Variants in PNISR observed in about 807,000 individuals in gnomAD.
The protein encoded by PNISR is PNN interacting serine and arginine rich protein.
In PNISR, 20 loss-of-function variants were observed where a neutral mutation model predicts 93.4. The observed-to-expected ratio is 0.21, with a 90% CI of 0.15 to 0.31. The LOEUF (loss-of-function observed/expected upper bound fraction) is 0.31, where lower values mean the gene tolerates loss of function less well. PNISR is among the 10% of genes least tolerant of loss of function. The pLI, the probability that PNISR is intolerant of heterozygous loss-of-function variation, is 1.00. For synonymous variants in PNISR, 305 were observed against 306.5 expected, an observed-to-expected ratio of 0.99 and a Z score of 0.05; for missense variants, 893 against 985.4, an observed-to-expected ratio of 0.91 and a Z score of 1.25.
chr6:99,417,088 C>A (rs7776325), intron 1 of PNISR, among the ~76,000 whole-genome samples: 1 of 151,960 alleles, frequency 6.6e-6, no homozygotes, highest in Non-Finnish European at 1.5e-5. Context: ...TGCTTTCCAA[C>A]GCTTTAACAG....
intron 1 of PNISR, among the ~76,000 whole-genome samples, chr6:99,423,039 T>TA (rs1275141097): frequency 6.6e-6 from 1 of 151,136 alleles, no homozygotes; most frequent in African/African-American, 2.4e-5. Context: ...CATTCTTCAA[T>TA]AAAAGGAATC....
chr6:99,416,440 A>T lies in PNISR; in HGVS notation c.-111-12T>A. Reference sequence around the variant, plus strand: ...AGATTATGTATGCCCTAGGGGGAAAAAAAGTAGATGTCTGCTTATAGATTA... The same window carrying T: ...AGATTATGTATGCCCTAGGGGGAAATAAAGTAGATGTCTGCTTATAGATTA... On this transcript the variant is annotated splice_polypyrimidine_tract_variant and intron_variant, in intron 1 of 11. Coordinates refer to ENST00000369239, the MANE Select transcript of PNISR (RefSeq NM_032870.4). 1 of 1,019,394 alleles carries T rather than the reference A, an allele frequency of 9.8e-7. No homozygotes were observed. Among genetic ancestry groups the T allele is most frequent in the Non-Finnish European group, 1.3e-6 (1 of 794,486 alleles). The allele number at this position is 1,019,394 out of a possible 1,614,324, so 63.1% of individuals were successfully genotyped here. A position where few individuals can be genotyped will look rare whatever the true frequency, so the allele number is the denominator to read the frequency against.
At chr6:99,423,497 G>A (rs571571540) in intron 1 of PNISR, among the ~76,000 whole-genome samples, 1 of 152,146 alleles carries the variant, frequency 6.6e-6, no homozygotes, top group Non-Finnish European at 1.5e-5. Flanking sequence ...CTTTACAGTG[G>A]ATAAATCTAA....
intron 6 of PNISR, among the ~76,000 whole-genome samples, chr6:99,408,563 A>G (rs1258600812): frequency 1.3e-5 from 2 of 152,212 alleles, no homozygotes; most frequent in East Asian, 3.8e-4. Context: ...GTGATTTGCT[A>G]GTAAGTTAAA....
At position 99,419,189 on chromosome 6, in the gene PNISR, AAG is replaced by A. The variant is rs1778203623; in HGVS notation, c.-111-2763_-111-2762del. Among the ~76,000 whole-genome samples, 19 of 53,856 alleles carry A rather than the reference AAG, an allele frequency of 3.5e-4. 9 individuals carry two copies. The highest frequency in any genetic ancestry group is 4.6e-4 in the African/African-American group (5 of 10,962). 35.3% of individuals were successfully genotyped at this position (53,856 alleles called of 152,430 possible). On this transcript the variant is annotated intron_variant, in intron 1 of 11. Coordinates refer to ENST00000369239, the MANE Select transcript of PNISR (RefSeq NM_032870.4). Reference sequence around the variant, plus strand: ...AAAAAAAAAAAAAAAAAAAAAAAAAAAGGGCAATTTACCATTATGGCATCTTA... The same window carrying A: ...AAAAAAAAAAAAAAAAAAAAAAAAAAGGCAATTTACCATTATGGCATCTTA...
At chr6:99,402,457 A>T in intron 11 of PNISR, 83 bp downstream of exon 11, 1 of 988,388 alleles carries the variant, frequency 1.0e-6, no homozygotes, top group Non-Finnish European at 1.5e-6. Flanking sequence ...CCTTTATTTT[A>T]TCCTTTGATA....
At position 99,399,075 on chromosome 6, in the gene PNISR, G is replaced by A. The variant is rs1582746200; in HGVS notation, c.*1465C>T. 2.0e-5 allele frequency: 3 copies of A among 152,156 alleles called. No homozygotes were observed. The South Asian group carries it at 6.2e-4, about 32-fold the overall frequency. 9.4% of individuals were successfully genotyped at this position (152,156 alleles called of 1,614,324 possible). A position where few individuals can be genotyped will look rare whatever the true frequency, so the allele number is the denominator to read the frequency against. On this transcript the variant is annotated 3_prime_UTR_variant, in exon 12 of 12. Coordinates refer to ENST00000369239, the MANE Select transcript of PNISR (RefSeq NM_032870.4). ...AATCTATTTCTATCTTCATGTTGAG[G>A]AAACACTGATCTTGGCAAAAATCTG...
At chr6:99,424,161 C>T (rs1779074861) in intron 1 of PNISR, among the ~76,000 whole-genome samples, 1 of 152,102 alleles carries the variant, frequency 6.6e-6, no homozygotes, top group Non-Finnish European at 1.5e-5. Context: ...TAAGAATATA[C>T]AACAACTAAA....
At chr6:99,419,169 AAAAAAAAAAAAAAAAAAAAAAG>A (rs1473105996) in intron 1 of PNISR, among the ~76,000 whole-genome samples, 23 of 141,544 alleles carry the variant, frequency 1.6e-4, no homozygotes, top group East Asian at 1.2e-3. Flanking sequence ...AAAAAAAAAA[AAAAAAAAAAAAAAAAAAAAAAG>A]GGCAATTTAC....
At chr6:99,401,654 ACT>A in intron 11 of PNISR, 24 bp from the exon 12 acceptor site, 1 of 1,489,672 alleles carries the variant, frequency 6.7e-7, no homozygotes, top group Non-Finnish European at 8.9e-7. Flanking sequence ...AGACAAAAAC[ACT>A]AAGAAAATGT....
rs747218150 is a variant in PNISR at position 99,400,453 on chromosome 6, TAAAG to T, written c.*83_*86del. On this transcript the variant is annotated 3_prime_UTR_variant, in exon 12 of 12. Coordinates refer to ENST00000369239, the MANE Select transcript of PNISR (RefSeq NM_032870.4). ...TTATCAAGTACCAAACTGAGTTTAT[TAAAG>T]AGAGAGAGAAAGGACACTTTCAACT... 3 of 1,494,266 alleles carry T rather than the reference TAAAG, an allele frequency of 2.0e-6. No individual in the cohort carries two copies. The highest frequency in any genetic ancestry group is 1.8e-6 in the Non-Finnish European group (2 of 1,125,020). 92.6% of individuals were successfully genotyped at this position (1,494,266 alleles called of 1,614,324 possible). A position where few individuals can be genotyped will look rare whatever the true frequency, so the allele number is the denominator to read the frequency against.
intron 3 of PNISR, among the ~76,000 whole-genome samples, chr6:99,413,720 A>G (rs1006994112): frequency 6.6e-6 from 1 of 152,216 alleles, no homozygotes. Flanking sequence ...TCTAATATTA[A>G]TAAAGTAAAC....
chr6:99,406,698 T>C (rs1776194134), intron 7 of PNISR, among the ~76,000 whole-genome samples: 1 of 152,138 alleles, frequency 6.6e-6, no homozygotes, highest in African/African-American at 2.4e-5. Flanking sequence ...TAGCTCATAA[T>C]AAAAAGATAA....
intron 4 of PNISR, 153 bp from the exon 5 acceptor site, chr6:99,411,117 A>C: frequency 1.6e-6 from 1 of 619,538 alleles, no homozygotes; most frequent in East Asian, 2.7e-5. Flanking sequence ...TTATCTTAAA[A>C]ATAAGCAATG....
chr6:99,410,921 C>G lies in PNISR; in HGVS notation c.321G>C (p.Gln107His), dbSNP rs776696399. ...HQQPPHPPPD[Q>H]PWMPPTPGPM... The stretch of plus-strand genomic sequence containing the variant: ...GGCCTGGTGTTGGTGGCATCCATGG[C>G]TGATCTGGAGGGGGGTGTGGGGGTT... Residue 107 changes from glutamine (Q) to histidine (H), a missense_variant, in exon 5 of 12, where the codon CAG becomes CAC. Physicochemically the swap from Gln to His is conservative, Grantham distance 24. Coordinates refer to ENST00000369239, the MANE Select transcript of PNISR (RefSeq NM_032870.4). 26 of 1,613,870 alleles carry G rather than the reference C, an allele frequency of 1.6e-5. No individual in the cohort carries two copies. Among genetic ancestry groups the G allele is most frequent in the Admixed American group, 1.0e-4 (6 of 59,978 alleles).
rs758673682 is a variant in PNISR at position 99,400,703 on chromosome 6, G to A, written c.2255C>T (p.Ser752Leu). ...KSTTKDSKKH[S>L]GSDSSGRSSS... ...GCTCCTTCCACTAGAATCAGAGCCT[G>A]AATGTTTTTTACTATCTTTGGTAGT... is the stretch of plus-strand genomic sequence containing the variant. The change falls in exon 12 of 12, where the codon TCA becomes TTA. Residue 752 changes from serine to leucine, a missense_variant. Around this residue, in one of 3 missense-constraint regions of PNISR, gnomAD observed 866 missense variants for 935.1 expected, o/e 0.93. Coordinates refer to ENST00000369239, the MANE Select transcript of PNISR (RefSeq NM_032870.4). The A allele has an allele frequency of 1.3e-5, 21 of 1,613,078 alleles. No individual in the cohort carries two copies. The highest frequency in any genetic ancestry group is 1.8e-5 in the Non-Finnish European group (21 of 1,179,780).
chr6:99,414,652 T>G lies in PNISR; in HGVS notation c.8A>C (p.Asp3Ala). The stretch of plus-strand genomic sequence containing the variant: ...CTGCTGCCAAGGCTGTCCTCCTTGA[T>G]CCCACATCCCTTCTTTTAAAATATA... MWDQGGQPWQQWP... is the reference protein window; with the variant it reads MWAQGGQPWQQWP... Residue 3 changes from aspartate to alanine, a missense_variant, in exon 3 of 12, where the codon GAT becomes GCT. Asp to Ala is a moderately radical substitution (Grantham distance 126). Around this residue, in one of 3 missense-constraint regions of PNISR, gnomAD observed 24 missense variants for 32.9 expected, o/e 0.73. Transcript: ENST00000369239. 6.3e-7 allele frequency: 1 copy of G among 1,591,752 alleles called. No individual in the cohort carries two copies. Among genetic ancestry groups the G allele is most frequent in the Non-Finnish European group, 8.6e-7 (1 of 1,163,582 alleles).
In PNISR at chr6:99,399,710, A is replaced by C. The variant is rs12191620; in HGVS notation, c.*830T>G. The C allele has an allele frequency of 6.6e-6, 1 of 152,074 alleles. No homozygotes were observed. The highest frequency in any genetic ancestry group is 1.5e-5 in the Non-Finnish European group (1 of 67,986). The allele number at this position is 152,074 out of a possible 1,614,324, so 9.4% of individuals were successfully genotyped here. Reference sequence around the variant, plus strand: ...TGAAAATCCCCAAAATAGGAAGAAAAGTTTAGAAAGTTGTCAAATACTTCC... The same window carrying C: ...TGAAAATCCCCAAAATAGGAAGAAACGTTTAGAAAGTTGTCAAATACTTCC... On this transcript the variant is annotated 3_prime_UTR_variant, in exon 12 of 12. Transcript: ENST00000369239.
chr6:99,412,973 T>C (rs1349009131), intron 3 of PNISR, among the ~76,000 whole-genome samples: 3 of 147,726 alleles, frequency 2.0e-5, no homozygotes, highest in African/African-American at 4.8e-5. Context: ...TAATATAAAC[T>C]ACTTACACTT....
Sources: gnomAD v4.1 joint callset for allele counts (sites outside exome capture counted in the v4.1 genomes callset) on GRCh38, gnomAD v4.1.1 for gene constraint, gnomAD v4.1.1 regional missense constraint, MANE v1.5 for transcripts, NCBI Gene and HGNC (gene_info 2026-07-23, HGNC 2026-07-21) for gene names.